Variants in RGS8 observed in about 807,000 individuals in gnomAD.
The protein encoded by RGS8 is regulator of G protein signaling 8, also known as regulator of G-protein signaling 8.
RGS8 carries 8 observed loss-of-function variants against 21.7 expected under a neutral mutation model. That is an observed-to-expected ratio of 0.37 (90% CI 0.22 to 0.66). RGS8 has a LOEUF of 0.66. Ranked by LOEUF, RGS8 falls within the 30% of genes least tolerant of loss-of-function variation. The pLI, the probability that RGS8 is intolerant of heterozygous loss-of-function variation, is 0.59. For synonymous variants in RGS8, 80 were observed against 83.6 expected (o/e 0.96, Z 0.24); for missense variants, 157 against 217.9 (o/e 0.72, Z 1.76).
chr1:182,736,089 T>C, the RGS8 span, among the ~76,000 whole-genome samples: 2 of 152,244 alleles, frequency 1.3e-5, no homozygotes, highest in South Asian at 4.1e-4. Flanking sequence ...AATACATTGA[T>C]TAAAGAAACT....
the RGS8 span, among the ~76,000 whole-genome samples, chr1:182,716,973 C>G: frequency 1.3e-5 from 2 of 152,170 alleles, no homozygotes; most frequent in Non-Finnish European, 2.9e-5. Context: ...AACGAACATA[C>G]TAATTCTTGT....
the RGS8 span, among the ~76,000 whole-genome samples, chr1:182,742,060 G>C: frequency 6.7e-6 from 1 of 149,896 alleles, no homozygotes; most frequent in African/African-American, 2.4e-5. Flanking sequence ...TCACATCCCG[G>C]ACGGGGCGGC....
the RGS8 span, among the ~76,000 whole-genome samples, chr1:182,717,418 A>G: frequency 1.3e-5 from 2 of 152,206 alleles, no homozygotes; most frequent in Admixed American, 1.3e-4. Context: ...CCTTCCTTTT[A>G]CATGCCAAAG....
upstream of RGS8, among the ~76,000 whole-genome samples, chr1:182,688,932 T>A (rs1664762994): frequency 6.6e-6 from 1 of 152,138 alleles, no homozygotes; most frequent in African/African-American, 2.4e-5. Flanking sequence ...CCGGCAACAC[T>A]GATTTTAGCC....
chr1:182,666,857 G>A lies in RGS8; in HGVS notation c.128+15C>T. ...CTGTATTACCCAGGGAATGGCACGT[G>A]GCCGTACTACTCACTTGAGAGCGCG... On this transcript the variant is annotated intron_variant, in intron 4 of 6. Transcript: ENST00000483095. 1.3e-6 allele frequency: 2 copies of A among 1,591,568 alleles called. No individual in the cohort carries two copies. The highest frequency in any genetic ancestry group is 1.7e-6 in the Non-Finnish European group (2 of 1,159,372).
the RGS8 span, among the ~76,000 whole-genome samples, chr1:182,739,634 C>G: frequency 6.6e-6 from 1 of 152,154 alleles, no homozygotes; most frequent in Non-Finnish European, 1.5e-5. Flanking sequence ...CTCCCCCTGT[C>G]CCATAGCCTA....
intron 5 of RGS8, among the ~76,000 whole-genome samples, chr1:182,661,403 A>G (rs1189973445): frequency 1.3e-5 from 2 of 152,092 alleles, no homozygotes; most frequent in African/African-American, 4.8e-5. Context: ...CTGTGTGGTC[A>G]CACATAAGAA....
At chr1:182,669,937 C>T (rs1057097147) in intron 2 of RGS8, among the ~76,000 whole-genome samples, 185 bp from the exon 4 acceptor site, 1 of 152,230 alleles carries the variant, frequency 6.6e-6, no homozygotes, top group African/African-American at 2.4e-5. Context: ...TTGTTGGTGG[C>T]TTCATGTTGT....
At chr1:182,666,907 T>C in exon 4 of RGS8, 1 of 1,614,184 alleles carries the variant, frequency 6.2e-7, no homozygotes, top group African/African-American at 1.3e-5. Flanking sequence ...GAAGAATAGC[T>C]GTGAAATCAC....
intron 1 of RGS8, among the ~76,000 whole-genome samples, chr1:182,682,805 T>C (rs760014324): frequency 2.0e-5 from 3 of 152,222 alleles, no homozygotes; most frequent in African/African-American, 4.8e-5. Context: ...AGGGTTTTTC[T>C]TAACAGAAAG....
chr1:182,677,454 T>C (rs768285432), upstream of RGS8, among the ~76,000 whole-genome samples: 1 of 152,236 alleles, frequency 6.6e-6, no homozygotes, highest in Non-Finnish European at 1.5e-5. Flanking sequence ...ACATAGAGGA[T>C]TACTTAGATG....
the RGS8 span, among the ~76,000 whole-genome samples, chr1:182,720,564 T>C: frequency 6.6e-6 from 1 of 152,182 alleles, no homozygotes; most frequent in Non-Finnish European, 1.5e-5. Context: ...CTCTCAGAGA[T>C]GTGCCAACTC....
intron 1 of RGS8, among the ~76,000 whole-genome samples, chr1:182,680,621 G>GTTTCATTC (rs1664506055): frequency 1.1e-5 from 1 of 92,824 alleles, no homozygotes; most frequent in Admixed American, 9.5e-5. Flanking sequence ...AGAAAGCATG[G>GTTTCATTC]GTTCATTCAT....
the RGS8 span, among the ~76,000 whole-genome samples, chr1:182,711,768 C>T: frequency 6.6e-6 from 1 of 152,142 alleles, no homozygotes; most frequent in African/African-American, 2.4e-5. Flanking sequence ...TGGCTAAGTT[C>T]CAAAAATCTC....
the RGS8 span, among the ~76,000 whole-genome samples, chr1:182,707,194 T>C: frequency 2.6e-5 from 4 of 152,060 alleles, no homozygotes; most frequent in Non-Finnish European, 4.4e-5. Flanking sequence ...TAGGTATCGA[T>C]AGGAACAAAA....
At chr1:182,719,231 C>T in the RGS8 span, among the ~76,000 whole-genome samples, 2 of 152,166 alleles carry the variant, frequency 1.3e-5, no homozygotes, top group African/African-American at 4.8e-5. Flanking sequence ...CGCTCACGCT[C>T]ATTCTTCCTT....
the RGS8 span, among the ~76,000 whole-genome samples, chr1:182,716,461 G>T: frequency 1.3e-5 from 2 of 150,312 alleles, no homozygotes; most frequent in African/African-American, 4.9e-5. Flanking sequence ...TTATTGTATT[G>T]CTATTTTTTA....
At chr1:182,676,516 G>A (rs1664363388), upstream of RGS8, among the ~76,000 whole-genome samples, 1 of 152,174 alleles carries the variant, frequency 6.6e-6, no homozygotes, top group South Asian at 2.1e-4. Flanking sequence ...ACACATGGAA[G>A]GGCAGGACAG....
chr1:182,693,268 A>C, the RGS8 span, among the ~76,000 whole-genome samples: 27 of 152,262 alleles, frequency 1.8e-4, no homozygotes, highest in Non-Finnish European at 4.0e-4. Flanking sequence ...AACATAAACA[A>C]ATTTACAAGA....
Sources: gnomAD v4.1 joint callset for allele counts (sites outside exome capture counted in the v4.1 genomes callset) on GRCh38, gnomAD v4.1.1 for gene constraint, MANE v1.5 for transcripts, NCBI Gene and HGNC (gene_info 2026-07-23, HGNC 2026-07-21) for gene names.